The following NDST3 variants were observed in gnomAD, a reference collection of about 807,000 sequenced individuals.
NDST3 encodes the protein N-deacetylase and N-sulfotransferase 3.
NDST3 carries 58 observed loss-of-function variants against 96.1 expected under a neutral mutation model. The ratio of observed to expected loss-of-function variants is 0.60; its 90% CI spans 0.49 to 0.75. The LOEUF is 0.75. NDST3 is among the 30% of genes least tolerant of loss of function. The probability of loss-of-function intolerance (pLI) is 0.00; values close to 1 mark genes in which losing one functional copy is unlikely to be tolerated. For synonymous variants in NDST3, 333 were observed against 359.7 expected, an observed-to-expected ratio of 0.93 and a Z score of 0.84; for missense variants, 788 against 1,034.2, an observed-to-expected ratio of 0.76 and a Z score of 3.27.
In NDST3 at chr4:118,156,746, C is replaced by T. The variant is rs998978761; in HGVS notation, c.1539+13062C>T. The stretch of plus-strand genomic sequence containing the variant: ...AATGCAAAGTAAGATTATATTGAGA[C>T]ACTATTTCTTACCTACCAGATTAAC... On this transcript the variant is annotated intron_variant, in intron 6 of 13. Coordinates refer to ENST00000296499, the MANE Select transcript of NDST3 (RefSeq NM_004784.3). 3.9e-4 allele frequency among the ~76,000 whole-genome samples: 59 copies of T among 152,164 alleles called. 1 individual carries two copies. Among genetic ancestry groups the T allele is most frequent in the African/African-American group, 1.4e-3 (59 of 41,442 alleles).
At chr4:118,240,286 A>G (rs942616811) in intron 10 of NDST3, among the ~76,000 whole-genome samples, 10 of 152,272 alleles carry the variant, frequency 6.6e-5, no homozygotes, top group Admixed American at 5.2e-4. Flanking sequence ...AAGGAATCCT[A>G]TCGATAGGAA....
chr4:118,244,747 A>G (rs1741207834), intron 12 of NDST3, among the ~76,000 whole-genome samples: 1 of 152,130 alleles, frequency 6.6e-6, no homozygotes, highest in African/African-American at 2.4e-5. Flanking sequence ...TAAGCCCCCA[A>G]TGTCAAGATT....
At chr4:118,243,679 G>A (rs976654711) in intron 12 of NDST3, among the ~76,000 whole-genome samples, 1 of 152,200 alleles carries the variant, frequency 6.6e-6, no homozygotes, top group Admixed American at 6.5e-5. Context: ...TCTATTTCAA[G>A]TTAGGTTATC....
At position 118,233,129 on chromosome 4, in the gene NDST3, T is replaced by C; in HGVS notation, c.1937T>C (p.Ile646Thr). The change falls in exon 9 of 14, where the codon ATT becomes ACT. Residue 646 changes from isoleucine to threonine, a missense_variant. Ile to Thr is a moderately conservative substitution (Grantham distance 89, BLOSUM62 -1). Around this residue, in one of 3 missense-constraint regions of NDST3, gnomAD observed 490 missense variants for 708.8 expected, o/e 0.69. Transcript: ENST00000296499. Reference sequence around the variant, plus strand: ...AATAGAAATAACTACCACAGGGGGATTGATTGGTAAGATGGGTTATTAGTA... The same window carrying C: ...AATAGAAATAACTACCACAGGGGGACTGATTGGTAAGATGGGTTATTAGTA... The part of the protein sequence containing the change: ...FFNRNNYHRG[I>T]DWYMDFFPVP... 1 of 1,611,718 alleles carries C rather than the reference T, an allele frequency of 6.2e-7. No homozygotes were observed.
chr4:118,195,743 T>G (rs185731607), intron 6 of NDST3, among the ~76,000 whole-genome samples: 6 of 152,324 alleles, frequency 3.9e-5, no homozygotes, highest in Admixed American at 3.9e-4. Context: ...GTTCTAATAG[T>G]TTTTTGGTGG....
intron 3 of NDST3, 69 bp from the exon 4 acceptor site, chr4:118,114,737 G>T: frequency 6.8e-7 from 1 of 1,479,010 alleles, no homozygotes; most frequent in Non-Finnish European, 9.3e-7. Context: ...AGATTAAATA[G>T]ATAAGTAGAT....
rs576383362 is a variant in NDST3, at chr4:118,130,918, C to T, written c.1225-7136C>T. Among the ~76,000 whole-genome samples, 14 of 152,312 alleles carry T rather than the reference C, an allele frequency of 9.2e-5. No homozygotes were observed. The South Asian group carries it at 2.9e-3, about 32-fold the overall frequency. ...ACCCTCTCCTGGCCTGTCAGGCTTC[C>T]ACTGAAAAGTCTGCTTTCAGATGTA... On this transcript the variant is annotated intron_variant, in intron 4 of 13. Coordinates refer to ENST00000296499, the MANE Select transcript of NDST3 (RefSeq NM_004784.3).
intron 9 of NDST3, 89 bp downstream of exon 9, chr4:118,233,224 T>C (rs1365926766): frequency 1.7e-6 from 2 of 1,158,746 alleles, no homozygotes; most frequent in East Asian, 2.8e-5. Flanking sequence ...TCTAAGTTTG[T>C]AGTCACAAAT....
intron 4 of NDST3, among the ~76,000 whole-genome samples, chr4:118,132,987 A>C (rs1054099133): frequency 7.2e-5 from 11 of 152,156 alleles, no homozygotes; most frequent in Non-Finnish European, 1.5e-4. Flanking sequence ...AACAGAAGGA[A>C]GGACGCACTT....
intron 12 of NDST3, among the ~76,000 whole-genome samples, chr4:118,252,445 T>C (rs1385557271): frequency 1.3e-5 from 2 of 152,232 alleles, no homozygotes; most frequent in Non-Finnish European, 2.9e-5. Flanking sequence ...CCAAACAGTA[T>C]GCTAAATGCT....
intron 6 of NDST3, among the ~76,000 whole-genome samples, chr4:118,183,773 T>A (rs1446222072): frequency 6.6e-6 from 1 of 152,210 alleles, no homozygotes; most frequent in Non-Finnish European, 1.5e-5. Context: ...GTCTAAAACA[T>A]ATTTACATAT....
intron 2 of NDST3, among the ~76,000 whole-genome samples, chr4:118,072,098 T>C (rs967584647): frequency 6.6e-6 from 1 of 152,146 alleles, no homozygotes; most frequent in Non-Finnish European, 1.5e-5. Context: ...ATGTCTGTTT[T>C]AGTACCAATA....
chr4:118,217,908 T>A (rs1739292463), intron 6 of NDST3, among the ~76,000 whole-genome samples: 1 of 152,066 alleles, frequency 6.6e-6, no homozygotes, highest in Non-Finnish European at 1.5e-5. Context: ...CAGAGAATAC[T>A]ATAAACACCT....
chr4:118,161,952 C>T (rs1013528483), intron 6 of NDST3, among the ~76,000 whole-genome samples: 4 of 152,138 alleles, frequency 2.6e-5, no homozygotes, highest in Admixed American at 6.5e-5. Context: ...AGAAATCACC[C>T]GTCTTCTGCA....
At chr4:118,111,969 C>T (rs4544776) in intron 3 of NDST3, among the ~76,000 whole-genome samples, 79,917 of 151,812 alleles carry the variant, frequency 0.53, 25,254 homozygotes, top group East Asian at 0.74. Context: ...AGCCACCATG[C>T]CCGGCCCATA....
At chr4:118,188,943 A>G (rs1737134517) in intron 6 of NDST3, among the ~76,000 whole-genome samples, 1 of 152,212 alleles carries the variant, frequency 6.6e-6, no homozygotes, top group African/African-American at 2.4e-5. Context: ...TCTTTGACCT[A>G]TAAAATAACT....
intron 6 of NDST3, among the ~76,000 whole-genome samples, chr4:118,214,261 T>C (rs1482263480): frequency 6.6e-6 from 1 of 152,156 alleles, no homozygotes; most frequent in Non-Finnish European, 1.5e-5. Flanking sequence ...ATTATCATGA[T>C]GGACTCTTGA....
chr4:118,054,487 T>C lies in NDST3; in HGVS notation c.577T>C (p.Cys193Arg). The C allele has an allele frequency of 6.2e-7, 1 of 1,613,128 alleles. No homozygotes were observed. The highest frequency in any genetic ancestry group is 2.2e-5 in the East Asian group (1 of 44,832). The change falls in exon 2 of 14, where the codon TGT becomes CGT. Residue 193 changes from cysteine to arginine, a missense_variant. This residue lies in a region of NDST3 where 234 missense variants were observed against 256.9 expected (regional missense o/e 0.91). Coordinates refer to ENST00000296499, the MANE Select transcript of NDST3 (RefSeq NM_004784.3). ...ATATGGAAATCTTGCAGTAAAAGATTGTTGTATTAATCCTCATTCTCCATT... is the reference window on the plus strand; with the variant it reads ...ATATGGAAATCTTGCAGTAAAAGATCGTTGTATTAATCCTCATTCTCCATT... ...SIYGNLAVKD[C>R]CINPHSPLIR...
In NDST3 at chr4:118,224,585, C is replaced by A; in HGVS notation, c.1634C>A (p.Thr545Asn). The change falls in exon 7 of 14, where the codon ACC becomes AAC. Residue 545 changes from threonine (T) to asparagine (N), a missense_variant. Physicochemically the swap from Thr to Asn is moderately conservative, Grantham distance 65 (BLOSUM62 0). Transcript: ENST00000296499. ...CTGGCCAACTTTGTGAAGAGCTGGA[C>A]CAACCTGCGACTTCAGACTCTGCCT... ...VNLANFVKSW[T>N]NLRLQTLPPV... is the part of the protein sequence containing the mutation. 1 of 1,613,008 alleles carries A rather than the reference C, an allele frequency of 6.2e-7. No individual in the cohort carries two copies. Among genetic ancestry groups the A allele is most frequent in the South Asian group, 1.1e-5 (1 of 90,790 alleles).
Sources: allele counts gnomAD v4.1 joint callset (sites outside exome capture counted in the v4.1 genomes callset), GRCh38; gene constraint gnomAD v4.1.1; regional missense constraint gnomAD v4.1.1; transcripts MANE v1.5; gene names NCBI Gene and HGNC (gene_info 2026-07-23, HGNC 2026-07-21).